Variants in TRMT11 observed in about 807,000 individuals in gnomAD.
TRMT11 encodes the protein tRNA methyltransferase 11.
A neutral mutation model predicts 62.8 loss-of-function variants in TRMT11; 53 were observed. The observed-to-expected ratio is 0.84, with a 90% CI of 0.68 to 1.06. The LOEUF is 1.06. Among genes scored for constraint, TRMT11 ranks in the 50% least tolerant of loss-of-function variants. The probability of loss-of-function intolerance (pLI) is 0.00; values close to 1 mark genes in which losing one functional copy is unlikely to be tolerated. For missense variants in TRMT11, 556 were observed against 553.4 expected (o/e 1.00, Z -0.05); for synonymous variants, 188 against 190.3 (o/e 0.99, Z 0.10).
At chr6:126,050,278 C>T (rs1317661866) in intron 16 of TRMT11, among the ~76,000 whole-genome samples, 1 of 138,212 alleles carries the variant, frequency 7.2e-6, no homozygotes, top group Non-Finnish European at 1.5e-5. Context: ...TGCAGTGAGC[C>T]AAGATTGTGC....
At chr6:126,266,608 CT>C in the TRMT11 span, among the ~76,000 whole-genome samples, 1 of 152,142 alleles carries the variant, frequency 6.6e-6, no homozygotes, top group Non-Finnish European at 1.5e-5. Context: ...AGCTATCCAT[CT>C]TTTTCTTTTT....
At chr6:126,126,272 CTTAAATA>C (rs1777718294) in intron 21 of TRMT11, among the ~76,000 whole-genome samples, 1 of 152,006 alleles carries the variant, frequency 6.6e-6, no homozygotes, top group Non-Finnish European at 1.5e-5. Context: ...ATCAGAAGTT[CTTAAATA>C]TTAATGTATT....
At chr6:126,212,357 A>C in the TRMT11 span, among the ~76,000 whole-genome samples, 28 of 152,164 alleles carry the variant, frequency 1.8e-4, no homozygotes, top group African/African-American at 6.8e-4. Context: ...ACTGTTCTCC[A>C]TAGTGGTTGT....
intron 21 of TRMT11, among the ~76,000 whole-genome samples, chr6:126,151,867 C>CTTTCTTTCT (rs1562334850): frequency 5.4e-5 from 1 of 18,412 alleles, no homozygotes. Context: ...TCTTTCTTTC[C>CTTTCTTTCT]TTCTTTCTCC....
intron 21 of TRMT11, among the ~76,000 whole-genome samples, chr6:126,139,723 G>A (rs1777893889): frequency 6.6e-6 from 1 of 152,016 alleles, no homozygotes; most frequent in South Asian, 2.1e-4. Context: ...TTTGATGTGT[G>A]TGTTTTAAAA....
the TRMT11 span, among the ~76,000 whole-genome samples, chr6:126,237,862 G>A: frequency 2.0e-5 from 3 of 152,160 alleles, no homozygotes; most frequent in Non-Finnish European, 4.4e-5. Flanking sequence ...TGGTTGGTAA[G>A]CTATTAATTA....
intron 16 of TRMT11, among the ~76,000 whole-genome samples, chr6:126,048,634 A>G (rs1457089279): frequency 5.3e-5 from 8 of 152,230 alleles, no homozygotes; most frequent in Admixed American, 5.2e-4. Context: ...TGTACTGGAC[A>G]TGGCAACACA....
the TRMT11 span, among the ~76,000 whole-genome samples, chr6:126,253,018 A>C: frequency 1.3e-5 from 2 of 152,192 alleles, no homozygotes; most frequent in African/African-American, 2.4e-5. Flanking sequence ...CAGAATCTGA[A>C]CAAGAATGTA....
intron 12 of TRMT11, among the ~76,000 whole-genome samples, chr6:126,026,640 C>T (rs1773156054): frequency 6.6e-6 from 1 of 152,004 alleles, no homozygotes; most frequent in South Asian, 2.1e-4. Flanking sequence ...CCACCTCAGC[C>T]TCCCAAAGTG....
At chr6:126,125,642 T>C (rs1280548464) in intron 21 of TRMT11, among the ~76,000 whole-genome samples, 9 of 152,096 alleles carry the variant, frequency 5.9e-5, no homozygotes, top group East Asian at 1.9e-4. Context: ...ACTTATGATA[T>C]AGTGGTTTAT....
At chr6:126,208,639 G>A (rs1298107982), downstream of TRMT11, among the ~76,000 whole-genome samples, 5 of 152,202 alleles carry the variant, frequency 3.3e-5, no homozygotes, top group African/African-American at 1.2e-4. Flanking sequence ...TGAAGATTAT[G>A]TAGTTTATGG....
chr6:126,216,076 A>G, the TRMT11 span, among the ~76,000 whole-genome samples: 27 of 152,218 alleles, frequency 1.8e-4, no homozygotes, highest in Non-Finnish European at 3.4e-4. Flanking sequence ...TAATATTAAC[A>G]GTGAGGTTTG....
intron 21 of TRMT11, among the ~76,000 whole-genome samples, chr6:126,157,537 A>G (rs569989936): frequency 1.3e-4 from 20 of 152,294 alleles, no homozygotes; most frequent in Non-Finnish European, 2.4e-4. Context: ...TCCTGAGTCA[A>G]TGAACCCCGC....
downstream of TRMT11, among the ~76,000 whole-genome samples, chr6:126,203,109 A>G (rs1217817280): frequency 6.6e-6 from 1 of 152,160 alleles, no homozygotes; most frequent in Non-Finnish European, 1.5e-5. Context: ...GTGAGTGAGC[A>G]TGAGACTAGC....
At chr6:126,031,388 A>G (rs1214533463) in intron 12 of TRMT11, among the ~76,000 whole-genome samples, 3 of 152,182 alleles carry the variant, frequency 2.0e-5, no homozygotes, top group Non-Finnish European at 4.4e-5. Context: ...TTGGGGCTGA[A>G]CAGACTAAGG....
At chr6:126,113,041 T>C (rs957229182) in intron 18 of TRMT11, among the ~76,000 whole-genome samples, 1 of 152,034 alleles carries the variant, frequency 6.6e-6, no homozygotes, top group Non-Finnish European at 1.5e-5. Flanking sequence ...ACTGGAGACA[T>C]AGAGGTGAAC....
intron 17 of TRMT11, among the ~76,000 whole-genome samples, chr6:126,078,798 AGT>A (rs1260504077): frequency 6.6e-6 from 1 of 152,214 alleles, no homozygotes; most frequent in Admixed American, 6.5e-5. Context: ...CACTCTGGAC[AGT>A]GTATGATGGC....
chr6:126,139,772 T>G (rs1166629439), intron 21 of TRMT11, among the ~76,000 whole-genome samples: 1 of 152,146 alleles, frequency 6.6e-6, no homozygotes, highest in Non-Finnish European at 1.5e-5. Flanking sequence ...ATTTTGTAAC[T>G]TCTATTTGGC....
intron 2 of TRMT11, 96 bp from the exon 3 acceptor site, chr6:125,995,871 A>G: frequency 1.3e-6 from 1 of 746,816 alleles, no homozygotes; most frequent in Admixed American, 2.2e-5. Context: ...ACATGAAAGT[A>G]GCAAATAGGC....
Sources: gnomAD v4.1 joint callset for allele counts (sites outside exome capture counted in the v4.1 genomes callset) on GRCh38, gnomAD v4.1.1 for gene constraint, MANE v1.5 for transcripts, NCBI Gene and HGNC (gene_info 2026-07-23, HGNC 2026-07-21) for gene names.